The following GRIN2A variants were observed in gnomAD, a reference collection of about 807,000 sequenced individuals.
GRIN2A encodes glutamate ionotropic receptor NMDA type subunit 2A.
In GRIN2A, 22 loss-of-function variants were observed where a neutral mutation model predicts 113.4. The observed-to-expected ratio is 0.19, with a 90% confidence interval of 0.14 to 0.28. GRIN2A has a LOEUF of 0.28. Among genes scored for constraint, GRIN2A ranks in the 10% least tolerant of loss-of-function variants. GRIN2A has a pLI of 1.00. For missense variants in GRIN2A, 1,502 were observed against 1,887.0 expected (o/e 0.80, Z 3.78); for synonymous variants, 827 against 738.4 (o/e 1.12, Z -1.94).
intron 4 of GRIN2A, among the ~76,000 whole-genome samples, chr16:9,873,539 T>TA (rs58772413): frequency 7.9e-6 from 1 of 126,680 alleles, no homozygotes; most frequent in Non-Finnish European, 1.6e-5. Context: ...CCCCCATCTC[T>TA]AAAAAACAAC....
intron 2 of GRIN2A, among the ~76,000 whole-genome samples, chr16:10,131,379 CG>C (rs2049059105): frequency 6.6e-6 from 1 of 151,908 alleles, no homozygotes; most frequent in Middle Eastern, 3.2e-3. Context: ...CAAACCAACT[CG>C]GGGGGAAATT....
chr16:9,885,567 G>A (rs896225649), intron 4 of GRIN2A, among the ~76,000 whole-genome samples: 4 of 152,170 alleles, frequency 2.6e-5, no homozygotes, highest in Admixed American at 6.5e-5. Flanking sequence ...AGGGCTTGTC[G>A]TGTTTTCCCA....
At chr16:10,124,214 T>A (rs539541422) in intron 2 of GRIN2A, among the ~76,000 whole-genome samples, 3 of 152,004 alleles carry the variant, frequency 2.0e-5, no homozygotes, top group African/African-American at 7.3e-5. Flanking sequence ...CCACGATGTA[T>A]AGGGAAAAAA....
At chr16:9,853,437 A>G (rs921551909) in intron 4 of GRIN2A, among the ~76,000 whole-genome samples, 3 of 152,198 alleles carry the variant, frequency 2.0e-5, no homozygotes, top group East Asian at 1.9e-4. Flanking sequence ...CTTTTCCACC[A>G]TATCAGTATG....
intron 10 of GRIN2A, among the ~76,000 whole-genome samples, chr16:9,813,837 C>T (rs1567317674): frequency 6.6e-6 from 1 of 152,022 alleles, no homozygotes; most frequent in African/African-American, 2.4e-5. Context: ...CATTGTTGAT[C>T]TGATTTTCTC....
Position 9,822,227 on chromosome 16 carries a change from C to T in GRIN2A, c.2168+37G>A, listed in dbSNP as rs777856491. On this transcript the variant is annotated intron_variant, in intron 10 of 12. Coordinates refer to ENST00000330684, the MANE Select transcript of GRIN2A (RefSeq NM_001134407.3). Reference sequence around the variant, plus strand: ...GTCAATTTCTGTAAGGTTTATCGCTCGCAGACCTGTGGTGAAAAGGAAACT... The same window carrying T: ...GTCAATTTCTGTAAGGTTTATCGCTTGCAGACCTGTGGTGAAAAGGAAACT... 6.8e-6 allele frequency: 11 copies of T among 1,606,812 alleles called. No homozygotes were observed. In the South Asian group the frequency reaches 7.7e-5, roughly 11 times the overall value.
Position 10,182,194 on chromosome 16 carries a change from AG to A in GRIN2A, c.-337del, listed in dbSNP as rs573975175. Reference sequence around the variant, plus strand: ...TATGCGCCCAGGGGGGCTAGACAAGAGGGGGGAAGCTGAAGCCCGATGCCCA... The same window carrying A: ...TATGCGCCCAGGGGGGCTAGACAAGAGGGGGAAGCTGAAGCCCGATGCCCA... On this transcript the variant is annotated 5_prime_UTR_variant, in exon 1 of 13. Transcript: ENST00000330684. The A allele has an allele frequency of 6.5e-6, 1 of 153,022 alleles. No homozygotes were observed. Among genetic ancestry groups the A allele is most frequent in the Non-Finnish European group, 1.5e-5 (1 of 68,672 alleles). 9.5% of individuals were successfully genotyped at this position (153,022 alleles called of 1,614,324 possible). A position where few individuals can be genotyped will look rare whatever the true frequency, so the allele number is the denominator to read the frequency against.
intron 2 of GRIN2A, among the ~76,000 whole-genome samples, chr16:10,104,737 A>T (rs1463230855): frequency 1.3e-5 from 2 of 152,172 alleles, no homozygotes; most frequent in African/African-American, 4.8e-5. Flanking sequence ...ATCCAGCCTT[A>T]AAAAATCAGT....
At chr16:9,929,495 C>T (rs904302616) in intron 3 of GRIN2A, among the ~76,000 whole-genome samples, 3 of 152,136 alleles carry the variant, frequency 2.0e-5, no homozygotes, top group Non-Finnish European at 2.9e-5. Context: ...ATGCATTAAG[C>T]CTGCCCACTT....
At chr16:9,922,373 A>G (rs1475402741) in intron 3 of GRIN2A, among the ~76,000 whole-genome samples, 1 of 152,204 alleles carries the variant, frequency 6.6e-6, no homozygotes, top group Non-Finnish European at 1.5e-5. Context: ...AACCATATGC[A>G]GGAGCAAGCT....
chr16:10,043,343 G>A (rs1021422518), intron 2 of GRIN2A, among the ~76,000 whole-genome samples: 74 of 152,284 alleles, frequency 4.9e-4, no homozygotes, highest in East Asian at 5.8e-4. Flanking sequence ...CCAGGCTGAT[G>A]ATCAAAGTGG....
chr16:9,819,104 G>A (rs1241254210), intron 10 of GRIN2A, among the ~76,000 whole-genome samples: 1 of 152,170 alleles, frequency 6.6e-6, no homozygotes, highest in African/African-American at 2.4e-5. Context: ...GATACACAGA[G>A]TAAATGTGGT....
At chr16:10,168,024 G>C (rs55914559) in intron 2 of GRIN2A, among the ~76,000 whole-genome samples, 4,164 of 152,242 alleles carry the variant, frequency 0.027, 119 homozygotes, top group African/African-American at 0.072. Context: ...AGTAAGATGT[G>C]CAAAACAAGC....
rs533439952 is a variant in GRIN2A, at chr16:10,004,234, C to T, written c.415-65683G>A. ...TGAAACCCCATCTCTACTAAAAATACAAAAATCAGCTGGGCATGATGGTGC... is the reference window on the plus strand; with the variant it reads ...TGAAACCCCATCTCTACTAAAAATATAAAAATCAGCTGGGCATGATGGTGC... On this transcript the variant is annotated intron_variant, in intron 2 of 12. Coordinates refer to ENST00000330684, the MANE Select transcript of GRIN2A (RefSeq NM_001134407.3). Among the ~76,000 whole-genome samples, 1,436 of 151,930 alleles carry T rather than the reference C, an allele frequency of 9.5e-3. 11 individuals carry two copies. The highest frequency in any genetic ancestry group is 0.016 in the Non-Finnish European group (1,072 of 67,928).
intron 3 of GRIN2A, among the ~76,000 whole-genome samples, chr16:9,914,075 A>T (rs2044195043): frequency 6.6e-6 from 1 of 151,944 alleles, no homozygotes; most frequent in South Asian, 2.1e-4. Context: ...ATTTGGAGAG[A>T]ACTAGAAAAT....
intron 2 of GRIN2A, among the ~76,000 whole-genome samples, chr16:10,095,324 C>A (rs1056730161): frequency 6.6e-6 from 1 of 151,626 alleles, no homozygotes; most frequent in African/African-American, 2.4e-5. Flanking sequence ...AAGAATGTGT[C>A]AAAAGAATAC....
intron 2 of GRIN2A, among the ~76,000 whole-genome samples, chr16:10,133,398 A>G (rs7206680): frequency 0.28 from 42,330 of 152,158 alleles, 6,336 homozygotes; most frequent in Middle Eastern, 0.33. Context: ...ACCTGAGGTC[A>G]GGAGTTCGAG....
intron 3 of GRIN2A, among the ~76,000 whole-genome samples, chr16:9,936,080 C>T (rs9931928): frequency 0.014 from 2,138 of 152,206 alleles, 52 homozygotes; most frequent in African/African-American, 0.049. Flanking sequence ...TGGTAAATAC[C>T]GTGCTAAACA....
chr16:9,880,350 T>C (rs11643965), intron 4 of GRIN2A, among the ~76,000 whole-genome samples: 34,458 of 152,134 alleles, frequency 0.23, 4,063 homozygotes, highest in African/African-American at 0.24. Flanking sequence ...CTGCAACTAT[T>C]AGGCTTGTGT....
Sources: allele counts gnomAD v4.1 joint callset (sites outside exome capture counted in the v4.1 genomes callset), GRCh38; gene constraint gnomAD v4.1.1; transcripts MANE v1.5; gene names NCBI Gene and HGNC (gene_info 2026-07-23, HGNC 2026-07-21).